PIEZO2: variants seen among roughly 807,000 people sequenced by gnomAD.
PIEZO2 encodes the protein piezo type mechanosensitive ion channel component 2.
PIEZO2 carries 172 observed loss-of-function variants against 337.3 expected under a neutral mutation model. The observed-to-expected ratio is 0.51, with a 90% CI of 0.45 to 0.58. PIEZO2 has a LOEUF of 0.58. Among genes scored for constraint, PIEZO2 ranks in the 20% least tolerant of loss-of-function variants. PIEZO2 has a pLI of 0.00. For synonymous variants in PIEZO2, 1,251 were observed against 1,228.5 expected (o/e 1.02, Z -0.38); for missense variants, 3,028 against 3,391.3 (o/e 0.89, Z 2.66).
At chr18:10,912,490 C>G (rs934449206) in intron 3 of PIEZO2, among the ~76,000 whole-genome samples, 3 of 152,164 alleles carry the variant, frequency 2.0e-5, no homozygotes, top group Non-Finnish European at 4.4e-5. Context: ...TACTGCCTTT[C>G]TGATAGAGTT....
rs2040755946 is a variant in PIEZO2 at position 10,828,819 on chromosome 18, C to T, written c.918-21545G>A. Among the ~76,000 whole-genome samples, 4 of 152,174 alleles carry T rather than the reference C, an allele frequency of 2.6e-5. No homozygotes were observed. The South Asian group carries it at 8.3e-4, about 32-fold the overall frequency. ...CATCACTTCCAAGCTGCTGCATCCTCAGTGTCTGGTGGATGCTTCTTGATG... is the reference window on the plus strand; with the variant it reads ...CATCACTTCCAAGCTGCTGCATCCTTAGTGTCTGGTGGATGCTTCTTGATG... On this transcript the variant is annotated intron_variant, in intron 7 of 55. Transcript: ENST00000674853. The surrounding 1 kb of genome is among the most constrained non-coding windows in gnomAD (Gnocchi z 4.1).
At chr18:10,755,214 G>T (rs925584049) in intron 27 of PIEZO2, among the ~76,000 whole-genome samples, 1 of 152,184 alleles carries the variant, frequency 6.6e-6, no homozygotes, top group Non-Finnish European at 1.5e-5. Flanking sequence ...ATCTCTGGAA[G>T]ATCGGAAGCT....
At position 10,809,307 on chromosome 18, in the gene PIEZO2, C is replaced by T. The variant is rs183043810; in HGVS notation, c.918-2033G>A. ...TTTTTTTTGAGACAGAGTCTCACTC[C>T]GTCGCCAGGCTGGAGTACAGTGGCG... On this transcript the variant is annotated intron_variant, in intron 7 of 55. Transcript: ENST00000674853. Among the ~76,000 whole-genome samples the T allele has an allele frequency of 1.7e-3, 204 of 122,092 alleles. 2 individuals are homozygous for T. The highest frequency in any genetic ancestry group is 6.3e-3 in the African/African-American group (196 of 31,270). 80.1% of individuals were successfully genotyped at this position (122,092 alleles called of 152,430 possible). A position where few individuals can be genotyped will look rare whatever the true frequency, so the allele number is the denominator to read the frequency against.
chr18:10,702,443 T>G (rs2035382702), intron 42 of PIEZO2, among the ~76,000 whole-genome samples: 1 of 152,238 alleles, frequency 6.6e-6, no homozygotes, highest in South Asian at 2.1e-4. Context: ...GATTAGTCAT[T>G]TCCTCTTTTT....
At chr18:10,848,394 T>G (rs1700861750) in intron 7 of PIEZO2, among the ~76,000 whole-genome samples, 1 of 152,252 alleles carries the variant, frequency 6.6e-6, no homozygotes, top group South Asian at 2.1e-4. Context: ...GTTTTGCTGT[T>G]TCTTATTTTA....
intron 3 of PIEZO2, among the ~76,000 whole-genome samples, chr18:10,976,421 T>G (rs2034443183): frequency 6.6e-6 from 1 of 152,200 alleles, no homozygotes; most frequent in Non-Finnish European, 1.5e-5. Flanking sequence ...AGTAAAACAC[T>G]CAAGTTTTTC....
Position 10,851,375 on chromosome 18 carries a change from A to G in PIEZO2, c.917+3978T>C, listed in dbSNP as rs561515828. Among the ~76,000 whole-genome samples, 34 of 151,914 alleles carry G rather than the reference A, an allele frequency of 2.2e-4. 1 individual carries two copies. The South Asian group carries it at 4.2e-3, about 19-fold the overall frequency. On this transcript the variant is annotated intron_variant, in intron 7 of 55. Transcript: ENST00000674853. ...TTACATACTGCATTGTTTAGCTCAC[A>G]TTTTCTATTCCCTGATAAGCAACTT...
In PIEZO2 at chr18:11,055,127, C is replaced by T. The variant is rs374445688; in HGVS notation, c.160+11000G>A. Among the ~76,000 whole-genome samples, 13 of 144,174 alleles carry T rather than the reference C, an allele frequency of 9.0e-5. No individual in the cohort carries two copies. The South Asian group carries it at 2.2e-3, about 24-fold the overall frequency. 94.6% of individuals were successfully genotyped at this position (144,174 alleles called of 152,430 possible). A position where few individuals can be genotyped will look rare whatever the true frequency, so the allele number is the denominator to read the frequency against. ...TCGGGAGGCTGAGGCAGGAGAATGG[C>T]GTGAACCCGGGAGGCAGAGCTTGCA... is the stretch of plus-strand genomic sequence containing the variant. On this transcript the variant is annotated intron_variant, in intron 2 of 55. Transcript: ENST00000674853.
At chr18:11,046,578 G>C (rs954475992) in intron 2 of PIEZO2, among the ~76,000 whole-genome samples, 2 of 152,258 alleles carry the variant, frequency 1.3e-5, no homozygotes, top group Admixed American at 1.3e-4. Flanking sequence ...CTACCTGGCA[G>C]GTGCTCCTTT....
chr18:11,007,113 T>C (rs1408860455), intron 2 of PIEZO2, among the ~76,000 whole-genome samples: 1 of 152,208 alleles, frequency 6.6e-6, no homozygotes, highest in Admixed American at 6.5e-5. Context: ...TATCAAACAC[T>C]AGATTTTATT....
rs60738029 is a variant in PIEZO2 at position 10,830,482 on chromosome 18, T to G, written c.918-23208A>C. 6.6e-6 allele frequency among the ~76,000 whole-genome samples: 1 copy of G among 151,740 alleles called. No homozygotes were observed. The highest frequency in any genetic ancestry group is 2.4e-5 in the African/African-American group (1 of 41,246). On this transcript the variant is annotated intron_variant, in intron 7 of 55. Coordinates refer to ENST00000674853, the MANE Select transcript of PIEZO2 (RefSeq NM_001378183.1). The surrounding 1 kb of genome is among the most constrained non-coding windows in gnomAD (Gnocchi z 4.7). ...CCCCCTTTTATGCCTCTGGTTGCAC[T>G]TGAATAAAACTAGACCTCTATTTCT... is the stretch of plus-strand genomic sequence containing the variant.
rs763426942 is a variant in PIEZO2 at position 11,009,075 on chromosome 18, G to A, written c.161-29415C>T. Among the ~76,000 whole-genome samples, 5 of 152,134 alleles carry A rather than the reference G, an allele frequency of 3.3e-5. No homozygotes were observed. The highest frequency in any genetic ancestry group is 5.9e-5 in the Non-Finnish European group (4 of 68,028). ...TGAATTCTGTTACTTAACTACGTAC[G>A]TGATTGTGTTCAAATCCTTCAGAAT... On this transcript the variant is annotated intron_variant, in intron 2 of 55. Coordinates refer to ENST00000674853, the MANE Select transcript of PIEZO2 (RefSeq NM_001378183.1). This position sits in a 1 kb window ranked among gnomAD's most constrained non-coding sequence, Gnocchi z 4.6.
chr18:10,885,346 C>G (rs753304032), intron 4 of PIEZO2, among the ~76,000 whole-genome samples: 2 of 152,112 alleles, frequency 1.3e-5, no homozygotes, highest in Admixed American at 1.3e-4. Context: ...ATGGCATGAA[C>G]CCGGGAGGTG....
At position 11,143,675 on chromosome 18, in the gene PIEZO2, T is replaced by A. The variant is rs374568978; in HGVS notation, c.64+4850A>T. Among the ~76,000 whole-genome samples, 20 of 85,000 alleles carry A rather than the reference T, an allele frequency of 2.4e-4. No individual in the cohort carries two copies. The highest frequency in any genetic ancestry group is 5.7e-4 in the South Asian group (1 of 1,768). The allele number at this position is 85,000 out of a possible 152,430, so 55.8% of individuals were successfully genotyped here. On this transcript the variant is annotated intron_variant, in intron 1 of 55. Coordinates refer to ENST00000674853, the MANE Select transcript of PIEZO2 (RefSeq NM_001378183.1). This position sits in a 1 kb window ranked among gnomAD's most constrained non-coding sequence, Gnocchi z 4.9. The stretch of plus-strand genomic sequence containing the variant: ...CTCTCTCTCTCTCTCTCTCTCTCAC[T>A]CTCTCTCTCTCACATAATTTGGCTC...
chr18:11,014,904 C>T (rs1366604980), intron 2 of PIEZO2, among the ~76,000 whole-genome samples: 7 of 138,380 alleles, frequency 5.1e-5, no homozygotes, highest in Non-Finnish European at 1.1e-4. Flanking sequence ...GGGAAGATGT[C>T]ACCCTGGGTG....
Position 10,705,647 on chromosome 18 carries a change from C to A in PIEZO2, c.5688G>T (p.Ala1896=). 1 of 1,537,128 alleles carries A rather than the reference C, an allele frequency of 6.5e-7. No individual in the cohort carries two copies. ...AEQEEEAGST[A]PEPREAKEYE... ...ACTCCTTGGCCTCCCTGGGCTCAGGCGCCGTGCTCCCTGCCTCCTCCTCCT... is the reference window on the plus strand; with the variant it reads ...ACTCCTTGGCCTCCCTGGGCTCAGGAGCCGTGCTCCCTGCCTCCTCCTCCT... The change falls in exon 41 of 56, where the codon GCG becomes GCT. Residue 1896 remains alanine (A), a synonymous_variant. Transcript: ENST00000674853.
chr18:10,731,618 C>G (rs950309156), intron 35 of PIEZO2, 97 bp from the exon 36 acceptor site: 3 of 723,236 alleles, frequency 4.1e-6, no homozygotes, highest in African/African-American at 1.8e-5. Flanking sequence ...ATTTTTTCCT[C>G]CCAACACAAA....
intron 3 of PIEZO2, among the ~76,000 whole-genome samples, chr18:10,971,678 C>A (rs138815882): frequency 1.0e-3 from 154 of 152,284 alleles, no homozygotes; most frequent in African/African-American, 3.5e-3. Flanking sequence ...CATACTTTAA[C>A]CAGAGTTAGT....
chr18:11,009,435 C>A lies in PIEZO2; in HGVS notation c.161-29775G>T, dbSNP rs2035821482. On this transcript the variant is annotated intron_variant, in intron 2 of 55. Coordinates refer to ENST00000674853, the MANE Select transcript of PIEZO2 (RefSeq NM_001378183.1). This position sits in a 1 kb window ranked among gnomAD's most constrained non-coding sequence, Gnocchi z 4.6. ...TTCCACAGTGAGCCAGGGCTGAGAA[C>A]CACTGTGCTGGAGATTCAGCTGAAG... Among the ~76,000 whole-genome samples, 1 of 152,164 alleles carries A rather than the reference C, an allele frequency of 6.6e-6. No homozygotes were observed. The highest frequency in any genetic ancestry group is 2.4e-5 in the African/African-American group (1 of 41,424).
Sources: allele counts gnomAD v4.1 joint callset (sites outside exome capture counted in the v4.1 genomes callset), GRCh38; gene constraint gnomAD v4.1.1; non-coding constraint Gnocchi (gnomAD v3.1); transcripts MANE v1.5; gene names NCBI Gene and HGNC (gene_info 2026-07-23, HGNC 2026-07-21).